The following GABRB1 variants were observed in gnomAD, a reference collection of about 807,000 sequenced individuals.
GABRB1 encodes the protein gamma-aminobutyric acid receptor subunit beta-1.
In GABRB1, 17 loss-of-function variants were observed where a neutral mutation model predicts 51.6. That is an observed-to-expected ratio of 0.33 (90% confidence interval 0.23 to 0.49). The LOEUF (loss-of-function observed/expected upper bound fraction) is 0.49. Ranked by LOEUF, GABRB1 falls within the 20% of genes least tolerant of loss-of-function variation. The probability of loss-of-function intolerance (pLI) is 0.99; values close to 1 mark genes in which losing one functional copy is unlikely to be tolerated. For synonymous variants in GABRB1, 247 were observed against 218.9 expected (o/e 1.13, Z -1.14); for missense variants, 410 against 600.6 (o/e 0.68, Z 3.32).
At chr4:47,002,702 G>A (rs1724266422) in intron 1 of GABRB1, among the ~76,000 whole-genome samples, 1 of 152,082 alleles carries the variant, frequency 6.6e-6, no homozygotes, top group Non-Finnish European at 1.5e-5. Flanking sequence ...ACAGTGTTTG[G>A]AATTAAACTT....
intron 3 of GABRB1, among the ~76,000 whole-genome samples, chr4:47,099,016 C>T (rs1472220617): frequency 6.6e-6 from 1 of 152,030 alleles, no homozygotes; most frequent in Admixed American, 6.6e-5. Flanking sequence ...TTCATTAGCG[C>T]AAGTTGTTCT....
At chr4:47,017,225 C>G (rs1366566309) in intron 1 of GABRB1, among the ~76,000 whole-genome samples, 4 of 152,070 alleles carry the variant, frequency 2.6e-5, no homozygotes. Flanking sequence ...TAATTCCCTG[C>G]TTGTGTTAAC....
At chr4:47,157,643 C>T (rs776972740) in intron 3 of GABRB1, among the ~76,000 whole-genome samples, 2 of 151,942 alleles carry the variant, frequency 1.3e-5, no homozygotes, top group Admixed American at 6.6e-5. Context: ...GCACAGAGCA[C>T]GCCACAGGAG....
chr4:47,301,462 TC>T (rs1724257209), intron 4 of GABRB1, among the ~76,000 whole-genome samples: 1 of 140,656 alleles, frequency 7.1e-6, no homozygotes, highest in South Asian at 2.4e-4. Flanking sequence ...CATAGTGAGA[TC>T]CCCATCTCTA....
At chr4:47,204,007 C>G (rs1249728906) in intron 4 of GABRB1, among the ~76,000 whole-genome samples, 4 of 152,172 alleles carry the variant, frequency 2.6e-5, no homozygotes, top group African/African-American at 9.7e-5. Flanking sequence ...GTGCTTTGCA[C>G]TCTCTCCCTC....
chr4:47,245,906 T>C (rs1026019292), intron 4 of GABRB1, among the ~76,000 whole-genome samples: 11 of 151,162 alleles, frequency 7.3e-5, no homozygotes, highest in Admixed American at 1.3e-4. Context: ...CCCTTTTCTG[T>C]CTTTTTTTCT....
At chr4:47,301,457 T>C (rs931691698) in intron 4 of GABRB1, among the ~76,000 whole-genome samples, 7 of 142,796 alleles carry the variant, frequency 4.9e-5, no homozygotes, top group African/African-American at 1.5e-4. Flanking sequence ...GACAACATAG[T>C]GAGATCCCCA....
At chr4:47,200,144 A>G (rs1422846201) in intron 4 of GABRB1, among the ~76,000 whole-genome samples, 1 of 152,208 alleles carries the variant, frequency 6.6e-6, no homozygotes, top group African/African-American at 2.4e-5. Context: ...ATGAGATAAG[A>G]CACAATGAGA....
intron 4 of GABRB1, among the ~76,000 whole-genome samples, chr4:47,191,555 G>A (rs929170808): frequency 2.6e-5 from 4 of 152,142 alleles, no homozygotes; most frequent in African/African-American, 9.7e-5. Context: ...TGAGTAGAAT[G>A]AGACTAAGAA....
chr4:47,143,974 G>C (rs1250611496), intron 3 of GABRB1, among the ~76,000 whole-genome samples: 1 of 151,848 alleles, frequency 6.6e-6, no homozygotes, highest in Non-Finnish European at 1.5e-5. Context: ...TGCTGAAAAA[G>C]TATTTCTAAA....
At chr4:47,021,368 G>A (rs968215410) in intron 1 of GABRB1, among the ~76,000 whole-genome samples, 3 of 152,068 alleles carry the variant, frequency 2.0e-5, no homozygotes, top group African/African-American at 7.2e-5. Context: ...TGATTTAGTG[G>A]TTTTATTATA....
chr4:47,373,675 G>T (rs1389586040), intron 5 of GABRB1, among the ~76,000 whole-genome samples: 1 of 152,106 alleles, frequency 6.6e-6, no homozygotes, highest in Non-Finnish European at 1.5e-5. Flanking sequence ...ATTTGTAAAT[G>T]CACATTAAAT....
chr4:47,198,063 G>T (rs1719758797), intron 4 of GABRB1, among the ~76,000 whole-genome samples: 1 of 152,136 alleles, frequency 6.6e-6, no homozygotes, highest in Admixed American at 6.6e-5. Context: ...TTGGGGTCAG[G>T]TATATTGCCT....
chr4:47,334,500 T>C (rs1725620764), intron 5 of GABRB1, among the ~76,000 whole-genome samples: 1 of 152,196 alleles, frequency 6.6e-6, no homozygotes, highest in African/African-American at 2.4e-5. Context: ...GCATTTCTTA[T>C]GTGTGGAGGA....
At chr4:47,102,156 C>A (rs1238697307) in intron 3 of GABRB1, among the ~76,000 whole-genome samples, 2 of 152,060 alleles carry the variant, frequency 1.3e-5, no homozygotes, top group African/African-American at 2.4e-5. Context: ...GTTTCACAAG[C>A]CTTACTAATC....
chr4:47,341,008 A>T (rs766819271), intron 5 of GABRB1, among the ~76,000 whole-genome samples: 7 of 152,202 alleles, frequency 4.6e-5, no homozygotes, highest in Non-Finnish European at 1.0e-4. Flanking sequence ...AACTTAAATC[A>T]ATCACTCAAC....
chr4:47,154,542 TG>T (rs1717607267), intron 3 of GABRB1, among the ~76,000 whole-genome samples: 1 of 152,082 alleles, frequency 6.6e-6, no homozygotes, highest in African/African-American at 2.4e-5. Flanking sequence ...GATGATTGTT[TG>T]AGGTTTCCTT....
intron 4 of GABRB1, among the ~76,000 whole-genome samples, chr4:47,246,061 C>A (rs138026901): frequency 1.4e-5 from 2 of 143,062 alleles, no homozygotes; most frequent in East Asian, 4.2e-4. Flanking sequence ...TTATCCCTTA[C>A]CCTCTCTCAT....
At chr4:47,245,990 T>G (rs1338724513) in intron 4 of GABRB1, among the ~76,000 whole-genome samples, 2 of 151,118 alleles carry the variant, frequency 1.3e-5, no homozygotes, top group African/African-American at 4.9e-5. Flanking sequence ...TAGTGGTGAT[T>G]TGTGAGATTT....
Sources: gnomAD v4.1 joint callset for allele counts (sites outside exome capture counted in the v4.1 genomes callset) on GRCh38, gnomAD v4.1.1 for gene constraint, MANE v1.5 for transcripts, NCBI Gene and HGNC (gene_info 2026-07-23, HGNC 2026-07-21) for gene names.